Variants in NCAM2 observed in about 807,000 individuals in gnomAD.
The protein encoded by NCAM2 is neural cell adhesion molecule 2, also known as N-CAM-2.
Under a neutral mutation model 98.1 loss-of-function variants are expected in NCAM2, and 30 were observed. The ratio of observed to expected loss-of-function variants is 0.31; its 90% CI spans 0.23 to 0.41. The LOEUF (loss-of-function observed/expected upper bound fraction) is 0.41. NCAM2 is among the 10% of genes least tolerant of loss of function. The probability of loss-of-function intolerance (pLI) is 1.00; values close to 1 mark genes in which losing one functional copy is unlikely to be tolerated. For missense variants in NCAM2, 867 were observed against 1,005.8 expected (o/e 0.86, Z 1.87); for synonymous variants, 368 against 342.4 (o/e 1.07, Z -0.83).
intron 12 of NCAM2, among the ~76,000 whole-genome samples, chr21:21,440,034 C>T (rs187989194): frequency 7.9e-5 from 12 of 152,214 alleles, no homozygotes; most frequent in African/African-American, 2.4e-5. Flanking sequence ...TAAAGTTCTG[C>T]GTTAGGGCTA....
intron 1 of NCAM2, among the ~76,000 whole-genome samples, chr21:21,044,647 A>T (rs537793873): frequency 1.2e-4 from 19 of 152,276 alleles, no homozygotes; most frequent in African/African-American, 4.6e-4. Context: ...TAAATGTGTG[A>T]CCATACTATT....
chr21:21,457,866 A>G (rs1407708822), intron 12 of NCAM2, among the ~76,000 whole-genome samples: 2 of 152,180 alleles, frequency 1.3e-5, no homozygotes, highest in African/African-American at 4.8e-5. Context: ...AGAACTTTTT[A>G]CCGTATCCAT....
chr21:21,221,647 G>A (rs1265493750), intron 1 of NCAM2, among the ~76,000 whole-genome samples: 1 of 152,178 alleles, frequency 6.6e-6, no homozygotes, highest in South Asian at 2.1e-4. Flanking sequence ...AAGGCTGTGG[G>A]AGCTAGAGAA....
chr21:21,423,546 A>G (rs2077155339), intron 11 of NCAM2, among the ~76,000 whole-genome samples: 1 of 152,152 alleles, frequency 6.6e-6, no homozygotes, highest in Non-Finnish European at 1.5e-5. Context: ...TGAACATTAT[A>G]CTTCTATTAA....
rs544585372 is a variant in NCAM2 at position 21,271,875 on chromosome 21, C to T, written c.56-8703C>T. On this transcript the variant is annotated intron_variant, in intron 1 of 17. Coordinates refer to ENST00000400546, the MANE Select transcript of NCAM2 (RefSeq NM_004540.5). ...CACTTGGACACAGGAAGGGGAACAT[C>T]ACACACCGGGGCCTGTCATGGGGTG... Among the ~76,000 whole-genome samples, 11 of 152,138 alleles carry T rather than the reference C, an allele frequency of 7.2e-5. No individual in the cohort carries two copies. In the South Asian group the frequency reaches 2.3e-3, roughly 32 times the overall value.
At chr21:21,293,937 A>C (rs148571937) in intron 5 of NCAM2, among the ~76,000 whole-genome samples, 3,595 of 151,610 alleles carry the variant, frequency 0.024, 79 homozygotes, top group Non-Finnish European at 0.037. Flanking sequence ...GTATATAAGT[A>C]TTTCCTATTA....
intron 7 of NCAM2, among the ~76,000 whole-genome samples, chr21:21,338,016 C>A (rs1038750905): frequency 1.3e-5 from 2 of 151,914 alleles, no homozygotes; most frequent in Non-Finnish European, 2.9e-5. Flanking sequence ...TATATGTGCA[C>A]ACATATGCAC....
At chr21:21,065,220 C>CA (rs899359861) in intron 1 of NCAM2, among the ~76,000 whole-genome samples, 7 of 151,444 alleles carry the variant, frequency 4.6e-5, no homozygotes, top group South Asian at 2.1e-4. Context: ...CAAAACAAAA[C>CA]AAAAAAAACT....
chr21:21,136,236 G>A (rs1253238134), intron 1 of NCAM2, among the ~76,000 whole-genome samples: 1 of 152,082 alleles, frequency 6.6e-6, no homozygotes, highest in African/African-American at 2.4e-5. Context: ...GATACAGTTT[G>A]CTACCATTTG....
chr21:21,321,995 A>G (rs2074386293), intron 5 of NCAM2, among the ~76,000 whole-genome samples: 1 of 152,196 alleles, frequency 6.6e-6, no homozygotes, highest in South Asian at 2.1e-4. Flanking sequence ...ATTGTAACAG[A>G]CACATGCACT....
chr21:21,419,823 G>C (rs142067979), intron 11 of NCAM2, among the ~76,000 whole-genome samples: 1 of 151,976 alleles, frequency 6.6e-6, no homozygotes, highest in African/African-American at 2.4e-5. Context: ...ATAAACATAC[G>C]CGTGCATGTG....
intron 1 of NCAM2, among the ~76,000 whole-genome samples, chr21:21,107,565 G>T (rs1408872982): frequency 6.6e-6 from 1 of 151,696 alleles, no homozygotes; most frequent in Admixed American, 6.6e-5. Context: ...CTTAATTTTT[G>T]ATTTAAATAT....
At position 21,279,470 on chromosome 21, in the gene NCAM2, T is replaced by A. The variant is rs148659660; in HGVS notation, c.56-1108T>A. Reference sequence around the variant, plus strand: ...GCCTTCCAGTTTCAAGCAATTCTCCTGCCTCAGGCTCCCGAGTAGCTGGGA... The same window carrying A: ...GCCTTCCAGTTTCAAGCAATTCTCCAGCCTCAGGCTCCCGAGTAGCTGGGA... On this transcript the variant is annotated intron_variant, in intron 1 of 17. Coordinates refer to ENST00000400546, the MANE Select transcript of NCAM2 (RefSeq NM_004540.5). Among the ~76,000 whole-genome samples, 851 of 152,300 alleles carry A rather than the reference T, an allele frequency of 5.6e-3. 1 individual carries two copies. Among genetic ancestry groups the A allele is most frequent in the Admixed American group, 0.011 (174 of 15,294 alleles).
chr21:21,364,134 G>A (rs1349155939), intron 8 of NCAM2, among the ~76,000 whole-genome samples: 1 of 151,984 alleles, frequency 6.6e-6, no homozygotes, highest in East Asian at 1.9e-4. Context: ...CTTAGAGATA[G>A]GTTGTTTCTA....
intron 1 of NCAM2, among the ~76,000 whole-genome samples, chr21:21,107,093 G>A (rs1031764298): frequency 2.0e-4 from 31 of 152,030 alleles, no homozygotes; most frequent in Non-Finnish European, 2.1e-4. Flanking sequence ...AGTCCATCTC[G>A]TTTAGGGTTT....
intron 8 of NCAM2, among the ~76,000 whole-genome samples, chr21:21,367,640 T>C (rs1309395626): frequency 6.6e-6 from 1 of 152,000 alleles, no homozygotes; most frequent in East Asian, 1.9e-4. Context: ...AACTCATATT[T>C]ATTGCTTAGA....
Position 21,373,787 on chromosome 21 carries a change from A to G in NCAM2, c.1045-76A>G. On this transcript the variant is annotated intron_variant, in intron 8 of 17. Transcript: ENST00000400546. ...TTGCCAGAGAAACATGGGAAGTAAC[A>G]TAATGTTATATGTTTGGTCACCATT... is the stretch of plus-strand genomic sequence containing the variant. 2.4e-6 allele frequency: 3 copies of G among 1,245,200 alleles called. No homozygotes were observed. The Admixed American group carries it at 8.1e-5, about 34-fold the overall frequency. The allele number at this position is 1,245,200 out of a possible 1,614,324, so 77.1% of individuals were successfully genotyped here.
At chr21:21,120,963 G>A (rs887209439) in intron 1 of NCAM2, among the ~76,000 whole-genome samples, 6 of 152,078 alleles carry the variant, frequency 3.9e-5, no homozygotes, top group Middle Eastern at 3.4e-3. Flanking sequence ...TGATCCACCC[G>A]CCTCAGCCTC....
At chr21:21,181,646 C>G (rs2068474192) in intron 1 of NCAM2, among the ~76,000 whole-genome samples, 1 of 152,166 alleles carries the variant, frequency 6.6e-6, no homozygotes, top group Non-Finnish European at 1.5e-5. Flanking sequence ...TCTGAAACTT[C>G]TACTGAAAAG....
Sources: allele counts gnomAD v4.1 joint callset (sites outside exome capture counted in the v4.1 genomes callset), GRCh38; gene constraint gnomAD v4.1.1; transcripts MANE v1.5; gene names NCBI Gene and HGNC (gene_info 2026-07-23, HGNC 2026-07-21).